Variants in ZNF404 observed in about 807,000 individuals in gnomAD.
ZNF404 encodes zinc finger protein 404.
ZNF404 carries 7 observed loss-of-function variants against 7.3 expected under a neutral mutation model. The observed-to-expected ratio is 0.95, with a 90% CI of 0.54 to 1.79. The LOEUF is 1.79. Among genes scored for constraint, ZNF404 ranks in the 40% most tolerant of loss-of-function variants. The probability of loss-of-function intolerance (pLI) is 0.00; values close to 1 mark genes in which losing one functional copy is unlikely to be tolerated. For missense variants in ZNF404, 560 were observed against 661.5 expected, an observed-to-expected ratio of 0.85 and a Z score of 1.68; for synonymous variants, 191 against 209.9, an observed-to-expected ratio of 0.91 and a Z score of 0.78.
rs748756735 is a variant in ZNF404, at chr19:43,873,321, G to A, written c.893C>T (p.Pro298Leu). 2.5e-6 allele frequency: 4 copies of A among 1,613,278 alleles called. No individual in the cohort carries two copies. The South Asian group carries it at 3.3e-5, about 13-fold the overall frequency. ...QHKKIHSGEK[P>L]YKCEQCEKAF... is the part of the protein sequence containing the mutation. The stretch of plus-strand genomic sequence containing the variant: ...CTTTTCACATTGTTCACATTTATAT[G>A]GTTTCTCACCAGAATGAATTTTCTT... Residue 298 changes from proline (P) to leucine (L), a missense_variant, in exon 3 of 3, where the codon CCA becomes CTA. Transcript: ENST00000587539.
In ZNF404 at chr19:43,874,044, G is replaced by T. The variant is rs1195269252; in HGVS notation, c.170C>A (p.Ser57Tyr). 1.1e-5 allele frequency: 18 copies of T among 1,577,534 alleles called. No individual in the cohort carries two copies. The highest frequency in any genetic ancestry group is 1.5e-5 in the Non-Finnish European group (17 of 1,169,796). Reference protein sequence around the residue: ...FNFTTESNKLSSEKRNYEVNA... With the variant: ...FNFTTESNKLYSEKRNYEVNA... ...TACTTCATAATTTCTTTTTTCTGAA[G>T]ATAACTTGTTGCTTTCAGTTGTGAA... is the stretch of plus-strand genomic sequence containing the variant. The change falls in exon 3 of 3, where the codon TCT (serine) becomes TAT (tyrosine). Residue 57 changes from serine to tyrosine, a missense_variant. Coordinates refer to ENST00000587539, the MANE Select transcript of ZNF404 (RefSeq NM_001033719.3).
rs1391100677 is a variant in ZNF404 at position 43,872,806 on chromosome 19, T to C, written c.1408A>G (p.Lys470Glu). 2 of 1,610,670 alleles carry C rather than the reference T, an allele frequency of 1.2e-6. No individual in the cohort carries two copies. The highest frequency in any genetic ancestry group is 1.7e-5 in the Admixed American group (1 of 59,426). Residue 470 changes from lysine to glutamate, a missense_variant, in exon 3 of 3, where the codon AAA becomes GAA. Transcript: ENST00000587539. This position sits in a 1 kb window ranked among gnomAD's most constrained non-coding sequence, Gnocchi z 4.4. ...GAACGAAAGGCCTTCTTACATTCTTTACATACATAGGGTTTCAAACCAGTA... is the reference window on the plus strand; with the variant it reads ...GAACGAAAGGCCTTCTTACATTCTTCACATACATAGGGTTTCAAACCAGTA... ...IHTGLKPYVC[K>E]ECKKAFRSIS...
Position 43,872,434 on chromosome 19 carries a change from T to G in ZNF404, c.*121A>C, listed in dbSNP as rs1284679793. On this transcript the variant is annotated 3_prime_UTR_variant, in exon 3 of 3. Transcript: ENST00000587539. The surrounding 1 kb of genome is among the most constrained non-coding windows in gnomAD (Gnocchi z 4.4). ...AAAAATAATGTATTTAGTAAGCAAA[T>G]ACGATGTGCCAGATGCCTTTCCAAG... The G allele has an allele frequency of 4.4e-6, 3 of 683,216 alleles. No homozygotes were observed. In the African/African-American group the frequency reaches 5.5e-5, roughly 13 times the overall value. 42.3% of individuals were successfully genotyped at this position (683,216 alleles called of 1,614,324 possible).
At chr19:43,879,880 C>T (rs1477726384) in intron 2 of ZNF404, 130 bp downstream of exon 2, 1 of 1,172,544 alleles carries the variant, frequency 8.5e-7, no homozygotes, top group Non-Finnish European at 1.2e-6. Context: ...TGCCCATTTC[C>T]ACCTAACAAA....
intron 1 of ZNF404, among the ~76,000 whole-genome samples, chr19:43,881,255 G>T (rs1599747774): frequency 6.6e-6 from 1 of 152,142 alleles, no homozygotes; most frequent in Non-Finnish European, 1.5e-5. Flanking sequence ...GCAAGAAGAA[G>T]AAATAAAAAG....
intron 2 of ZNF404, among the ~76,000 whole-genome samples, chr19:43,877,363 C>T (rs539526126): frequency 4.3e-4 from 66 of 152,188 alleles, no homozygotes; most frequent in African/African-American, 1.5e-3. Flanking sequence ...GGCCAGGCTT[C>T]GGTCTCTATA....
At chr19:43,876,358 G>A (rs1427914728) in intron 2 of ZNF404, among the ~76,000 whole-genome samples, 5 of 151,774 alleles carry the variant, frequency 3.3e-5, no homozygotes, top group African/African-American at 4.8e-5. Context: ...GAGACATTAG[G>A]AAAAGAATGA....
At position 43,873,258 on chromosome 19, in the gene ZNF404, C is replaced by T; in HGVS notation, c.956G>A (p.Arg319Lys). The T allele has an allele frequency of 6.2e-7, 1 of 1,613,600 alleles. No individual in the cohort carries two copies. The highest frequency in any genetic ancestry group is 8.5e-7 in the Non-Finnish European group (1 of 1,179,666). ...VRSYLLVEHQ[R>K]SHTGEKPHEC... ...ATGAGGTTTCTCACCAGTATGACTT[C>T]TTTGATGTTCAACAAGTAGATAGCT... is the stretch of plus-strand genomic sequence containing the variant. Residue 319 changes from arginine (R) to lysine (K), a missense_variant, in exon 3 of 3, where the codon AGA (arginine) becomes AAA (lysine). Arg to Lys is a conservative substitution (Grantham distance 26). Coordinates refer to ENST00000587539, the MANE Select transcript of ZNF404 (RefSeq NM_001033719.3).
chr19:43,881,252 G>T (rs934910559), intron 1 of ZNF404, among the ~76,000 whole-genome samples: 2 of 152,096 alleles, frequency 1.3e-5, no homozygotes, highest in African/African-American at 2.4e-5. Flanking sequence ...CAGGCAAGAA[G>T]AAGAAATAAA....
In ZNF404 at chr19:43,883,444, T is replaced by C. The variant is rs115269131; in HGVS notation, c.9+512A>G. ...TTGTTTTCATTTCTCAGTGATCCCTTAGCTAGATCCCTAATCTCTCTCTAG... is the reference window on the plus strand; with the variant it reads ...TTGTTTTCATTTCTCAGTGATCCCTCAGCTAGATCCCTAATCTCTCTCTAG... On this transcript the variant is annotated intron_variant, in intron 1 of 2. Coordinates refer to ENST00000587539, the MANE Select transcript of ZNF404 (RefSeq NM_001033719.3). Among the ~76,000 whole-genome samples the C allele has an allele frequency of 7.3e-3, 1,109 of 152,320 alleles. 7 individuals are homozygous for C. Among genetic ancestry groups the C allele is most frequent in the African/African-American group, 0.024 (1,007 of 41,576 alleles).
Position 43,873,563 on chromosome 19 carries a change from A to G in ZNF404, c.651T>C (p.Cys217=). ...IIHTGMKPYE[C]KQCGKAFRRH... The stretch of plus-strand genomic sequence containing the variant: ...GTCTAAAAGCCTTCCCGCATTGCTT[A>G]CATTCATAGGGTTTCATACCAGTAT... The change falls in exon 3 of 3, where the codon TGT becomes TGC. Residue 217 remains cysteine (C), a synonymous_variant. Transcript: ENST00000587539. The G allele has an allele frequency of 2.5e-6, 4 of 1,613,720 alleles. No individual in the cohort carries two copies. The highest frequency in any genetic ancestry group is 3.4e-6 in the Non-Finnish European group (4 of 1,179,722).
At chr19:43,879,190 G>A (rs752188335) in intron 2 of ZNF404, among the ~76,000 whole-genome samples, 7 of 152,092 alleles carry the variant, frequency 4.6e-5, no homozygotes, top group Non-Finnish European at 1.0e-4. Flanking sequence ...ATTTCAACAA[G>A]TATTTGGAAG....
chr19:43,874,034 T>C lies in ZNF404; in HGVS notation c.180A>G (p.Lys60=). 6.3e-7 allele frequency: 1 copy of C among 1,582,140 alleles called. No homozygotes were observed. The highest frequency in any genetic ancestry group is 8.5e-7 in the Non-Finnish European group (1 of 1,171,696). ...TTESNKLSSE[K]RNYEVNAYHQ... is the part of the protein sequence containing the mutation. Reference sequence around the variant, plus strand: ...GGTACGCATTTACTTCATAATTTCTTTTTTCTGAAGATAACTTGTTGCTTT... The same window carrying C: ...GGTACGCATTTACTTCATAATTTCTCTTTTCTGAAGATAACTTGTTGCTTT... Residue 60 remains lysine (K), a synonymous_variant, in exon 3 of 3, where the codon AAA becomes AAG. Coordinates refer to ENST00000587539, the MANE Select transcript of ZNF404 (RefSeq NM_001033719.3).
chr19:43,877,511 T>C (rs1971858011), intron 2 of ZNF404, among the ~76,000 whole-genome samples: 1 of 152,144 alleles, frequency 6.6e-6, no homozygotes, highest in Admixed American at 6.5e-5. Flanking sequence ...AGAAAATAAC[T>C]TGTGCTTTTA....
At position 43,873,410 on chromosome 19, in the gene ZNF404, CA is replaced by C; in HGVS notation, c.803del (p.Val268GlyfsTer136). The C allele has an allele frequency of 6.2e-7, 1 of 1,613,502 alleles. No individual in the cohort carries two copies. Reference sequence around the variant, plus strand: ...CACATTCTTTACATTTGTAGGGTTTCACACCATGATGAATTTTCTGATGCAG... The same window carrying C: ...CACATTCTTTACATTTGTAGGGTTTCCACCATGATGAATTTTCTGATGCAG... ...MCLHQKIHHG[V>X]KPYKCKECGK... On this transcript the variant is annotated frameshift_variant, in exon 3 of 3. Transcript: ENST00000587539. LOFTEE classifies it low-confidence loss of function (END_TRUNC).
rs1023074201 is a variant in ZNF404 at position 43,873,794 on chromosome 19, A to G, written c.420T>C (p.Phe140=). The part of the protein sequence containing the change: ...SYECKEYKKG[F]RKYLHLTEHL... ...GTTCAGTAAGGTGCAAATATTTTCT[A>G]AAGCCCTTCTTATATTCCTTACACT... The change falls in exon 3 of 3, where the codon TTT becomes TTC. Residue 140 remains phenylalanine, a synonymous_variant. Transcript: ENST00000587539. The G allele has an allele frequency of 6.3e-7, 1 of 1,588,154 alleles. No individual in the cohort carries two copies.
chr19:43,874,754 T>G (rs1971840352), intron 2 of ZNF404, among the ~76,000 whole-genome samples: 1 of 152,162 alleles, frequency 6.6e-6, no homozygotes, highest in Non-Finnish European at 1.5e-5. Flanking sequence ...ATTATTTGCC[T>G]TTATACTCCT....
Position 43,874,025 on chromosome 19 carries a change from A to G in ZNF404, c.189T>C (p.Tyr63=), listed in dbSNP as rs1971834586. ...SNKLSSEKRN[Y]EVNAYHQETW... is the part of the protein sequence containing the mutation. Reference sequence around the variant, plus strand: ...TCTCCTGATGGTACGCATTTACTTCATAATTTCTTTTTTCTGAAGATAACT... The same window carrying G: ...TCTCCTGATGGTACGCATTTACTTCGTAATTTCTTTTTTCTGAAGATAACT... The change falls in exon 3 of 3, where the codon TAT becomes TAC. Residue 63 remains tyrosine, a synonymous_variant. Coordinates refer to ENST00000587539, the MANE Select transcript of ZNF404 (RefSeq NM_001033719.3). 6.3e-7 allele frequency: 1 copy of G among 1,584,818 alleles called. No individual in the cohort carries two copies.
At chr19:43,879,972 A>G in intron 2 of ZNF404, 38 bp downstream of exon 2, 1 of 1,610,376 alleles carries the variant, frequency 6.2e-7, no homozygotes, top group Non-Finnish European at 8.5e-7. Flanking sequence ...GATATTCTAG[A>G]GAGCATATTG....
Sources: allele counts gnomAD v4.1 joint callset (sites outside exome capture counted in the v4.1 genomes callset), GRCh38; gene constraint gnomAD v4.1.1; non-coding constraint Gnocchi (gnomAD v3.1); transcripts MANE v1.5; gene names NCBI Gene and HGNC (gene_info 2026-07-23, HGNC 2026-07-21).